Variants in PHACTR1 observed in about 807,000 individuals in gnomAD.
PHACTR1 encodes the protein RPEL repeat containing 1.
A neutral mutation model predicts 69.2 loss-of-function variants in PHACTR1; 16 were observed. The ratio of observed to expected loss-of-function variants is 0.23; its 90% confidence interval spans 0.16 to 0.35. The LOEUF (loss-of-function observed/expected upper bound fraction) is 0.35, where lower values mean the gene tolerates loss of function less well. Among genes scored for constraint, PHACTR1 ranks in the 10% least tolerant of loss-of-function variants. The pLI is 1.00. For missense variants in PHACTR1, 510 were observed against 734.7 expected, an observed-to-expected ratio of 0.69 and a Z score of 3.54; for synonymous variants, 312 against 284.5, an observed-to-expected ratio of 1.10 and a Z score of -0.97.
intron 13 of PHACTR1, among the ~76,000 whole-genome samples, chr6:13,284,533 A>C (rs1342626469): frequency 9.3e-6 from 1 of 107,832 alleles, no homozygotes; most frequent in Non-Finnish European, 1.7e-5. Context: ...AAAAAAAAAA[A>C]AAAAAAAAAA....
chr6:13,013,845 G>C (rs1285566767), intron 4 of PHACTR1, among the ~76,000 whole-genome samples: 9 of 148,964 alleles, frequency 6.0e-5, no homozygotes, highest in African/African-American at 2.0e-4. Flanking sequence ...GGCAGCGCGC[G>C]GGGGCCGGAG....
chr6:13,048,470 C>T (rs1172058376), intron 4 of PHACTR1, among the ~76,000 whole-genome samples: 2 of 151,768 alleles, frequency 1.3e-5, no homozygotes, highest in South Asian at 4.2e-4. Flanking sequence ...TCTCTGGTTC[C>T]TGCAATGGGA....
At chr6:13,177,937 T>C (rs1327467380) in intron 6 of PHACTR1, among the ~76,000 whole-genome samples, 1 of 152,174 alleles carries the variant, frequency 6.6e-6, no homozygotes, top group African/African-American at 2.4e-5. Flanking sequence ...CAACAGGTGT[T>C]TGTCTATTGA....
At chr6:12,793,980 A>C (rs867411405) in intron 4 of PHACTR1, among the ~76,000 whole-genome samples, 7 of 152,350 alleles carry the variant, frequency 4.6e-5, no homozygotes, top group South Asian at 4.1e-4. Flanking sequence ...TCCTGGAGCT[A>C]TAAAGAGAAA....
chr6:12,933,819 G>T (rs752972287), intron 4 of PHACTR1: 4 of 1,612,778 alleles, frequency 2.5e-6, no homozygotes, highest in Non-Finnish European at 3.4e-6. Flanking sequence ...TCTACTCAGG[G>T]TATGAGCCCT....
chr6:13,149,315 C>G (rs532207292), intron 5 of PHACTR1, among the ~76,000 whole-genome samples: 1 of 152,130 alleles, frequency 6.6e-6, no homozygotes, highest in Non-Finnish European at 1.5e-5. Flanking sequence ...TCCAAGTCTT[C>G]TCAGGGCCTT....
intron 4 of PHACTR1, among the ~76,000 whole-genome samples, chr6:12,883,479 C>T (rs958391379): frequency 4.6e-5 from 7 of 151,096 alleles, no homozygotes; most frequent in Admixed American, 6.6e-5. Context: ...GCTCCCAAAG[C>T]GCTAGGATTA....
chr6:12,913,434 AACAGCTTCC>A (rs1347464980), intron 4 of PHACTR1, among the ~76,000 whole-genome samples: 1 of 152,220 alleles, frequency 6.6e-6, no homozygotes, highest in African/African-American at 2.4e-5. Context: ...ATTAAACGCT[AACAGCTTCC>A]ATCTGAGACC....
At chr6:13,059,144 A>G (rs1330187951) in intron 5 of PHACTR1, among the ~76,000 whole-genome samples, 1 of 152,108 alleles carries the variant, frequency 6.6e-6, no homozygotes, top group Non-Finnish European at 1.5e-5. Flanking sequence ...ATTTAGTCTT[A>G]AAAAAGAAGG....
At chr6:13,237,280 G>A (rs1438272177) in intron 10 of PHACTR1, among the ~76,000 whole-genome samples, 3 of 152,000 alleles carry the variant, frequency 2.0e-5, no homozygotes, top group Non-Finnish European at 4.4e-5. Context: ...GGGAGGCTAA[G>A]GTAGGAGGAT....
intron 6 of PHACTR1, among the ~76,000 whole-genome samples, chr6:13,171,576 C>T (rs755295332): frequency 1.5e-4 from 23 of 152,192 alleles, no homozygotes; most frequent in Non-Finnish European, 2.6e-4. Context: ...CCTCTAGCTA[C>T]GTGTGGTGGT....
intron 4 of PHACTR1, among the ~76,000 whole-genome samples, chr6:12,945,175 T>G (rs1358987526): frequency 2.0e-5 from 3 of 152,122 alleles, no homozygotes; most frequent in Non-Finnish European, 4.4e-5. Context: ...CCTCCTTTAT[T>G]CCCATCTGAC....
At chr6:12,969,851 T>C (rs539068568) in intron 4 of PHACTR1, among the ~76,000 whole-genome samples, 14 of 152,192 alleles carry the variant, frequency 9.2e-5, no homozygotes, top group Admixed American at 3.9e-4. Context: ...TAATCCCAGC[T>C]ACTCAGGAGG....
intron 4 of PHACTR1, among the ~76,000 whole-genome samples, chr6:12,778,238 A>G (rs558778514): frequency 2.0e-5 from 3 of 152,398 alleles, no homozygotes; most frequent in South Asian, 4.1e-4. Context: ...TTGTGAAACC[A>G]TAAAATCCAA....
chr6:12,856,255 C>CTTT (rs66541950), intron 4 of PHACTR1, among the ~76,000 whole-genome samples: 9 of 135,798 alleles, frequency 6.6e-5, no homozygotes, highest in South Asian at 2.3e-4. Context: ...TTCTTTCTTT[C>CTTT]TTTTTTTTTT....
In PHACTR1 at chr6:12,739,245, C is replaced by T. The variant is rs746697474; in HGVS notation, c.104-10399C>T. On this transcript the variant is annotated intron_variant, in intron 3 of 14. Coordinates refer to ENST00000332995, the MANE Select transcript of PHACTR1 (RefSeq NM_030948.6). ...TGCTGTTCTGTTGTTATTTTTAATG[C>T]GGCACAAAATGCTGGGACCTGAATC... Among the ~76,000 whole-genome samples the T allele has an allele frequency of 2.6e-5, 4 of 151,962 alleles. 1 individual carries two copies. The highest frequency in any genetic ancestry group is 1.3e-4 in the Admixed American group (2 of 15,250).
At chr6:13,152,194 C>T (rs896196114) in intron 5 of PHACTR1, among the ~76,000 whole-genome samples, 4 of 151,864 alleles carry the variant, frequency 2.6e-5, no homozygotes, top group African/African-American at 7.3e-5. Flanking sequence ...ATTAGCCAGG[C>T]GTGGTGGTGG....
chr6:13,233,486 T>A (rs972086613), intron 10 of PHACTR1, among the ~76,000 whole-genome samples: 27 of 152,282 alleles, frequency 1.8e-4, no homozygotes, highest in African/African-American at 5.3e-4. Context: ...TGACTCACAG[T>A]TTCCCATGGC....
At chr6:12,818,204 A>T (rs931781075) in intron 4 of PHACTR1, among the ~76,000 whole-genome samples, 2 of 152,112 alleles carry the variant, frequency 1.3e-5, no homozygotes, top group Non-Finnish European at 2.9e-5. Context: ...GTTAGCCTAA[A>T]ACAATGTTTA....
Sources: gnomAD v4.1 joint callset for allele counts (sites outside exome capture counted in the v4.1 genomes callset) on GRCh38, gnomAD v4.1.1 for gene constraint, MANE v1.5 for transcripts, NCBI Gene and HGNC (gene_info 2026-07-23, HGNC 2026-07-21) for gene names.